SMAP2: variants seen among roughly 807,000 people sequenced by gnomAD.
SMAP2 encodes the protein small ArfGAP2.
In SMAP2, 25 loss-of-function variants were observed where a neutral mutation model predicts 56.4. That is an observed-to-expected ratio of 0.44 (90% CI 0.32 to 0.62). The LOEUF is 0.62. SMAP2 is among the 20% of genes least tolerant of loss of function. The pLI is 0.04. For missense variants in SMAP2, 388 were observed against 545.6 expected (o/e 0.71, Z 2.88); for synonymous variants, 157 against 181.7 (o/e 0.86, Z 1.09).
At chr1:40,375,759 A>G in intron 1 of SMAP2, 2 of 984,116 alleles carry the variant, frequency 2.0e-6, no homozygotes, top group Non-Finnish European at 2.4e-6. Flanking sequence ...CTTGAGTCAC[A>G]GTGAAGCAAC....
intron 1 of SMAP2, among the ~76,000 whole-genome samples, chr1:40,376,509 G>A (rs1644542739): frequency 6.6e-6 from 1 of 152,058 alleles, no homozygotes. Context: ...GGCATTTGTT[G>A]AGGCCTCTGT....
intron 7 of SMAP2, 35 bp from the exon 8 acceptor site, chr1:40,416,141 C>G: frequency 1.9e-6 from 3 of 1,596,294 alleles, no homozygotes; most frequent in Non-Finnish European, 2.6e-6. Context: ...CCATGAGAAC[C>G]ATTTCAATTC....
chr1:40,370,730 T>G (rs1644492797), upstream of SMAP2, among the ~76,000 whole-genome samples: 1 of 116,382 alleles, frequency 8.6e-6, no homozygotes, highest in Non-Finnish European at 1.7e-5. Context: ...GGGGGAGGGA[T>G]AGCATTGGGA....
intron 1 of SMAP2, among the ~76,000 whole-genome samples, chr1:40,349,031 A>G (rs1382286908): frequency 6.6e-6 from 1 of 152,100 alleles, no homozygotes. Flanking sequence ...CGGCCTCCCA[A>G]AGTGCTGGGA....
At position 40,422,066 on chromosome 1, in the gene SMAP2, G is replaced by A. The variant is rs534715742; in HGVS notation, c.1255G>A (p.Ala419Thr). The A allele has an allele frequency of 8.7e-6, 14 of 1,614,166 alleles. No individual in the cohort carries two copies. In the African/African-American group the frequency reaches 1.3e-4, roughly 15 times the overall value. ...AATGAGTGGCGGAAATGGACAGGCA[G>A]CAAATCAGACTCTCAGTCCTCAGAT... ...QSMSGGNGQA[A>T]NQTLSPQMWK Residue 419 changes from alanine to threonine, a missense_variant, in exon 10 of 10, where the codon GCA (alanine) becomes ACA (threonine). By Grantham distance (58) the Ala-to-Thr change is moderately conservative (BLOSUM62 0). Transcript: ENST00000372718.
intron 1 of SMAP2, among the ~76,000 whole-genome samples, chr1:40,358,600 C>CT (rs1379167175): frequency 6.6e-6 from 1 of 152,168 alleles, no homozygotes; most frequent in African/African-American, 2.4e-5. Flanking sequence ...GCATGAGCCA[C>CT]TGCACCTGGT....
In SMAP2 at chr1:40,408,736, C is replaced by T; in HGVS notation, c.321C>T (p.Asp107=). ...AGACCTTTCGGCGACCTCAGATAGA[C>T]CCGTATCTTTTCTGGAGCAACTTAG... The part of the protein sequence containing the change: ...LPETFRRPQI[D]PAVEGFIRDK... Residue 107 remains aspartate (D), a splice_region_variant and synonymous_variant, in exon 3 of 10, where the codon GAC becomes GAT. Coordinates refer to ENST00000372718, the MANE Select transcript of SMAP2 (RefSeq NM_022733.3). The surrounding 1 kb of genome is among the most constrained non-coding windows in gnomAD (Gnocchi z 4.3). The T allele has an allele frequency of 6.2e-7, 1 of 1,613,238 alleles. No homozygotes were observed. Among genetic ancestry groups the T allele is most frequent in the African/African-American group, 1.3e-5 (1 of 74,978 alleles).
At chr1:40,417,989 T>A (rs1645006314) in intron 9 of SMAP2, among the ~76,000 whole-genome samples, 1 of 152,066 alleles carries the variant, frequency 6.6e-6, no homozygotes, top group South Asian at 2.1e-4. Flanking sequence ...ACACAACTAC[T>A]ACAGGAAGAA....
intron 1 of SMAP2, among the ~76,000 whole-genome samples, chr1:40,397,516 C>T (rs1644783888): frequency 6.6e-6 from 1 of 152,124 alleles, no homozygotes; most frequent in Non-Finnish European, 1.5e-5. Flanking sequence ...TACAGCTATC[C>T]TTTAAGGCAT....
At chr1:40,416,410 A>G in intron 8 of SMAP2, 69 bp downstream of exon 8, 2 of 1,532,490 alleles carry the variant, frequency 1.3e-6, no homozygotes, top group Non-Finnish European at 1.8e-6. Flanking sequence ...GGAATTATTT[A>G]TTGTGACAGA....
chr1:40,393,665 C>T (rs1034195179), intron 1 of SMAP2, among the ~76,000 whole-genome samples: 1 of 151,346 alleles, frequency 6.6e-6, no homozygotes, highest in African/African-American at 2.4e-5. Context: ...CCTGCCTCAG[C>T]CTCCTGAATA....
At chr1:40,420,943 T>A (rs2124386777) in intron 9 of SMAP2, among the ~76,000 whole-genome samples, 1 of 152,296 alleles carries the variant, frequency 6.6e-6, no homozygotes, top group South Asian at 2.1e-4. Flanking sequence ...AATGTTAAAA[T>A]TCTTGAGCGT....
chr1:40,421,940 A>G, intron 9 of SMAP2, 36 bp from the exon 10 acceptor site: 2 of 1,613,800 alleles, frequency 1.2e-6, no homozygotes, highest in Non-Finnish European at 1.7e-6. Context: ...CGGAATGCCC[A>G]CAGCCTGGTC....
In SMAP2 at chr1:40,422,383, G is replaced by A; in HGVS notation, c.*282G>A. On this transcript the variant is annotated 3_prime_UTR_variant, in exon 10 of 10. Coordinates refer to ENST00000372718, the MANE Select transcript of SMAP2 (RefSeq NM_022733.3). ...GTTGGCAGAAGGCACTTAAACTGTG[G>A]GAGAAGTGTGCACACCTTTGAGTCC... is the stretch of plus-strand genomic sequence containing the variant. 2.6e-6 allele frequency: 1 copy of A among 388,088 alleles called. No individual in the cohort carries two copies. The highest frequency in any genetic ancestry group is 4.9e-6 in the Non-Finnish European group (1 of 203,242). The allele number at this position is 388,088 out of a possible 1,614,324, so 24.0% of individuals were successfully genotyped here.
upstream of SMAP2, among the ~76,000 whole-genome samples, chr1:40,369,453 T>G (rs1223232271): frequency 4.0e-5 from 6 of 150,858 alleles, no homozygotes; most frequent in East Asian, 1.2e-3. Flanking sequence ...GACTTCAAAC[T>G]TTACTACAAG....
intron 1 of SMAP2, among the ~76,000 whole-genome samples, chr1:40,347,249 T>C: frequency 1.5e-5 from 1 of 68,890 alleles, no homozygotes; most frequent in East Asian, 1.3e-3. Context: ...TGTTTTGTTT[T>C]TGTTTTTTTT....
At chr1:40,371,094 A>G (rs1013904515), upstream of SMAP2, among the ~76,000 whole-genome samples, 1 of 151,870 alleles carries the variant, frequency 6.6e-6, no homozygotes, top group Non-Finnish European at 1.5e-5. Context: ...AATTGCTTGA[A>G]CCTGGGAGGC....
At chr1:40,378,631 C>G (rs936148552) in intron 1 of SMAP2, among the ~76,000 whole-genome samples, 3 of 152,094 alleles carry the variant, frequency 2.0e-5, no homozygotes, top group African/African-American at 7.2e-5. Flanking sequence ...GTTAAGAGTA[C>G]AAGACATTTG....
At chr1:40,387,729 T>C (rs951666873) in intron 1 of SMAP2, among the ~76,000 whole-genome samples, 10 of 152,084 alleles carry the variant, frequency 6.6e-5, no homozygotes, top group African/African-American at 2.4e-4. Context: ...CGGTGCCTCC[T>C]CGGCCTTGGC....
Sources: allele counts gnomAD v4.1 joint callset (sites outside exome capture counted in the v4.1 genomes callset), GRCh38; gene constraint gnomAD v4.1.1; non-coding constraint Gnocchi (gnomAD v3.1); transcripts MANE v1.5; gene names NCBI Gene and HGNC (gene_info 2026-07-23, HGNC 2026-07-21).